SAMD3: variants seen among roughly 807,000 people sequenced by gnomAD.
SAMD3 encodes sterile alpha motif domain-containing protein 3.
SAMD3 carries 63 observed loss-of-function variants against 58.5 expected under a neutral mutation model. That is an observed-to-expected ratio of 1.08 (90% confidence interval 0.88 to 1.33). The LOEUF (loss-of-function observed/expected upper bound fraction) is 1.33, where lower values mean the gene tolerates loss of function less well. SAMD3 is among the 40% of genes most tolerant of loss of function. SAMD3 has a pLI of 0.00. For missense variants in SAMD3, 604 were observed against 608.4 expected (o/e 0.99, Z 0.08); for synonymous variants, 220 against 210.3 (o/e 1.05, Z -0.40).
chr6:130,212,498 G>C (rs1467099489), intron 4 of SAMD3, among the ~76,000 whole-genome samples: 2 of 152,154 alleles, frequency 1.3e-5, no homozygotes, highest in Admixed American at 6.6e-5. Context: ...TTTCAGTCTA[G>C]GAGAAAAAGG....
At chr6:130,167,752 A>G (rs1303145727) in intron 8 of SAMD3, among the ~76,000 whole-genome samples, 3 of 152,232 alleles carry the variant, frequency 2.0e-5, no homozygotes, top group African/African-American at 7.2e-5. Flanking sequence ...CAGCTGCTGC[A>G]TTGACTGCAC....
chr6:130,258,549 T>G (rs1218048517), intron 2 of SAMD3, among the ~76,000 whole-genome samples: 1 of 152,192 alleles, frequency 6.6e-6, no homozygotes, highest in Non-Finnish European at 1.5e-5. Flanking sequence ...TTTGATAAGT[T>G]TTGACATATG....
In SAMD3 at chr6:130,214,510, C is replaced by T; in HGVS notation, c.96G>A (p.Gly32=). The change falls in exon 4 of 12, where the codon GGG becomes GGA. Residue 32 remains glycine, a synonymous_variant. Coordinates refer to ENST00000439090, the MANE Select transcript of SAMD3 (RefSeq NM_001017373.4). ...VHRFQEEEVS[G]AALLALNDRM... is the part of the protein sequence containing the mutation. ...GATCATTAAGTGCAAGAAGAGCGGC[C>T]CCACTTACTTCTTCCTCTGGGAAAA... 1 of 1,588,624 alleles carries T rather than the reference C, an allele frequency of 6.3e-7. No homozygotes were observed. Among genetic ancestry groups the T allele is most frequent in the Non-Finnish European group, 8.6e-7 (1 of 1,169,528 alleles).
intron 2 of SAMD3, among the ~76,000 whole-genome samples, chr6:130,255,388 A>ATAG (rs1301913515): frequency 2.0e-5 from 3 of 152,154 alleles, no homozygotes; most frequent in African/African-American, 7.2e-5. Flanking sequence ...ATTGTTGATA[A>ATAG]TAGGGTATTG....
chr6:130,244,441 C>T (rs1264218780), intron 2 of SAMD3, among the ~76,000 whole-genome samples: 1 of 152,006 alleles, frequency 6.6e-6, no homozygotes, highest in African/African-American at 2.4e-5. Context: ...TGTTCACCTA[C>T]AAAATAGCGC....
intron 7 of SAMD3, 78 bp downstream of exon 7, chr6:130,184,025 A>C: frequency 9.1e-7 from 1 of 1,104,506 alleles, no homozygotes; most frequent in Non-Finnish European, 1.4e-6. Context: ...TGGGTGAAGC[A>C]TAAAATTACT....
intron 1 of SAMD3, among the ~76,000 whole-genome samples, chr6:130,346,772 G>T (rs6921697): frequency 0.25 from 38,597 of 152,154 alleles, 6,177 homozygotes; most frequent in African/African-American, 0.45. Context: ...AGAACGGACA[G>T]ACTGTCTCCT....
At chr6:130,267,032 A>G (rs1323186800) in intron 2 of SAMD3, among the ~76,000 whole-genome samples, 2 of 152,194 alleles carry the variant, frequency 1.3e-5, no homozygotes, top group African/African-American at 2.4e-5. Context: ...AGAAACTCAG[A>G]CGAGGAATGC....
intron 5 of SAMD3, among the ~76,000 whole-genome samples, chr6:130,206,971 A>G (rs1344990518): frequency 6.6e-6 from 1 of 152,102 alleles, no homozygotes; most frequent in Non-Finnish European, 1.5e-5. Context: ...CAACACAACT[A>G]GATCTCATTT....
intron 2 of SAMD3, among the ~76,000 whole-genome samples, chr6:130,309,274 T>C (rs1776057235): frequency 6.6e-6 from 1 of 152,206 alleles, no homozygotes; most frequent in Non-Finnish European, 1.5e-5. Context: ...AATGTTAGAT[T>C]CCAAATTCTG....
chr6:130,231,910 A>G (rs981907545), intron 2 of SAMD3, among the ~76,000 whole-genome samples: 6 of 152,316 alleles, frequency 3.9e-5, no homozygotes, highest in Admixed American at 2.0e-4. Context: ...GTTTTGATGG[A>G]AGTGTTCTAT....
rs1775803680 is a variant in SAMD3, at chr6:130,302,974, T to C, written c.-188+10004A>G. 2.0e-5 allele frequency among the ~76,000 whole-genome samples: 3 copies of C among 152,110 alleles called. No homozygotes were observed. In the South Asian group the frequency reaches 6.2e-4, roughly 32 times the overall value. On this transcript the variant is annotated intron_variant, in intron 2 of 13. Coordinates refer to the SAMD3 transcript ENST00000368134. ...GCCTGTTGGGTACTATGTTCGCTGT[T>C]TGGGTGGCGAGTTAACTACAAGCCC...
intron 5 of SAMD3, among the ~76,000 whole-genome samples, chr6:130,199,747 C>T (rs1005239418): frequency 2.6e-5 from 4 of 152,152 alleles, no homozygotes; most frequent in African/African-American, 9.7e-5. Context: ...CAAAGCACCC[C>T]TAAACTATGA....
intron 2 of SAMD3, among the ~76,000 whole-genome samples, chr6:130,279,211 C>T (rs895963110): frequency 6.6e-6 from 1 of 152,024 alleles, no homozygotes. Context: ...GGCTGTGTCC[C>T]CCACTAAATA....
chr6:130,334,659 T>G (rs1427716608), intron 1 of SAMD3, among the ~76,000 whole-genome samples: 4 of 152,200 alleles, frequency 2.6e-5, no homozygotes. Flanking sequence ...GTTGGGAAGA[T>G]TTAAAGAGGT....
At chr6:130,194,450 A>G (rs1329038162) in intron 5 of SAMD3, among the ~76,000 whole-genome samples, 2 of 152,262 alleles carry the variant, frequency 1.3e-5, no homozygotes, top group African/African-American at 2.4e-5. Context: ...AACAGGATTT[A>G]ATTAACCTCA....
At chr6:130,206,924 T>C (rs1426408537) in intron 5 of SAMD3, among the ~76,000 whole-genome samples, 1 of 151,710 alleles carries the variant, frequency 6.6e-6, no homozygotes, top group Non-Finnish European at 1.5e-5. Flanking sequence ...GAGGACAAAA[T>C]GTCAGAGGGC....
chr6:130,285,188 T>C lies in SAMD3; in HGVS notation c.-188+27790A>G, dbSNP rs530679303. 7.2e-5 allele frequency among the ~76,000 whole-genome samples: 11 copies of C among 152,316 alleles called. No homozygotes were observed. In the East Asian group the frequency reaches 2.1e-3, roughly 29 times the overall value. On this transcript the variant is annotated intron_variant, in intron 2 of 13. Transcript: ENST00000368134. Reference sequence around the variant, plus strand: ...ATATATAGTAGACACCAAGTGGAGATATGAATTGGATATATAAACATGGAG... The same window carrying C: ...ATATATAGTAGACACCAAGTGGAGACATGAATTGGATATATAAACATGGAG...
intron 1 of SAMD3, among the ~76,000 whole-genome samples, chr6:130,347,016 G>C (rs1229891218): frequency 1.3e-5 from 2 of 152,138 alleles, no homozygotes; most frequent in Admixed American, 1.3e-4. Flanking sequence ...TGCAGCTGAG[G>C]GTCCTGACTG....
Sources: gnomAD v4.1 joint callset for allele counts (sites outside exome capture counted in the v4.1 genomes callset) on GRCh38, gnomAD v4.1.1 for gene constraint, MANE v1.5 for transcripts, NCBI Gene and HGNC (gene_info 2026-07-23, HGNC 2026-07-21) for gene names.